Variants in BAIAP2L1 observed in about 807,000 individuals in gnomAD.
BAIAP2L1 encodes BAR/IMD domain-containing adapter protein 2-like 1.
BAIAP2L1 carries 35 observed loss-of-function variants against 66.3 expected under a neutral mutation model. The ratio of observed to expected loss-of-function variants is 0.53; its 90% CI spans 0.40 to 0.70. The LOEUF is 0.70. Ranked by LOEUF, BAIAP2L1 falls within the 30% of genes least tolerant of loss-of-function variation. BAIAP2L1 has a pLI of 0.00. For synonymous variants in BAIAP2L1, 269 were observed against 248.7 expected (o/e 1.08, Z -0.77); for missense variants, 622 against 656.9 (o/e 0.95, Z 0.58).
intron 1 of BAIAP2L1, among the ~76,000 whole-genome samples, chr7:98,393,482 T>G (rs1428895199): frequency 4.6e-5 from 7 of 152,006 alleles, no homozygotes; most frequent in Non-Finnish European, 2.9e-5. Flanking sequence ...TCCTTTTCTT[T>G]TTATGTAACT....
chr7:98,293,006 T>G lies in BAIAP2L1; in HGVS notation c.*515A>C, dbSNP rs1053545450. 21 of 1,088,438 alleles carry G rather than the reference T, an allele frequency of 1.9e-5. No individual in the cohort carries two copies. In the African/African-American group the frequency reaches 2.9e-4, roughly 15 times the overall value. The allele number at this position is 1,088,438 out of a possible 1,614,324, so 67.4% of individuals were successfully genotyped here. On this transcript the variant is annotated 3_prime_UTR_variant, in exon 14 of 14. Coordinates refer to ENST00000005260, the MANE Select transcript of BAIAP2L1 (RefSeq NM_018842.5). ...TCTGGAAGCTCTACACTTAAACATT[T>G]TAAGTTAAATTACATTTATATAGTA...
intron 1 of BAIAP2L1, among the ~76,000 whole-genome samples, chr7:98,380,584 T>C (rs770663911): frequency 1.1e-4 from 16 of 151,700 alleles, no homozygotes; most frequent in Non-Finnish European, 1.8e-4. Context: ...ATGGAAATCA[T>C]AGGAATACAA....
chr7:98,347,000 C>T (rs975532586), intron 3 of BAIAP2L1, among the ~76,000 whole-genome samples: 1 of 150,726 alleles, frequency 6.6e-6, no homozygotes, highest in African/African-American at 2.4e-5. Flanking sequence ...AGCAAAACAA[C>T]AACAACAACA....
intron 7 of BAIAP2L1, 53 bp from the exon 8 acceptor site, chr7:98,312,317 G>C: frequency 6.5e-7 from 1 of 1,534,424 alleles, no homozygotes; most frequent in Non-Finnish European, 8.8e-7. Context: ...CTGAAGAGCT[G>C]AGAAAAATGA....
intron 1 of BAIAP2L1, among the ~76,000 whole-genome samples, chr7:98,393,129 ATACACACATATGTGTACATATATATG>A (rs1275229546): frequency 1.3e-5 from 1 of 74,714 alleles, no homozygotes; most frequent in African/African-American, 4.8e-5. Flanking sequence ...ATATGTATAT[ATACACACATATGTGTACATATATATG>A]TACACATATA....
At chr7:98,364,018 C>T (rs901134826) in intron 1 of BAIAP2L1, among the ~76,000 whole-genome samples, 1 of 149,450 alleles carries the variant, frequency 6.7e-6, no homozygotes, top group Non-Finnish European at 1.5e-5. Context: ...TTTGAATATT[C>T]TTTTTTTTTT....
At chr7:98,357,024 T>A (rs368647004) in intron 2 of BAIAP2L1, among the ~76,000 whole-genome samples, 1,625 of 9,628 alleles carry the variant, frequency 0.17, 26 homozygotes, top group Middle Eastern at 0.5. Context: ...AAAAAAAATA[T>A]ATATATATAT....
chr7:98,384,618 C>T (rs2115816376), intron 1 of BAIAP2L1, among the ~76,000 whole-genome samples: 1 of 151,668 alleles, frequency 6.6e-6, no homozygotes, highest in Middle Eastern at 3.4e-3. Context: ...TTTCCAAATG[C>T]TACTTTTATA....
chr7:98,296,129 T>G (rs903184002), intron 12 of BAIAP2L1, among the ~76,000 whole-genome samples: 2 of 152,162 alleles, frequency 1.3e-5, no homozygotes, highest in Non-Finnish European at 2.9e-5. Flanking sequence ...ACTGAGCGAC[T>G]GTCCCTACGG....
intron 1 of BAIAP2L1, among the ~76,000 whole-genome samples, chr7:98,381,303 C>G (rs1802755406): frequency 6.6e-6 from 1 of 152,214 alleles, no homozygotes; most frequent in African/African-American, 2.4e-5. Context: ...GTGAGAATTT[C>G]ATTATGACAT....
At chr7:98,393,715 G>A (rs909517924) in intron 1 of BAIAP2L1, among the ~76,000 whole-genome samples, 3 of 149,428 alleles carry the variant, frequency 2.0e-5, no homozygotes, top group South Asian at 2.1e-4. Flanking sequence ...TTGATCTCCT[G>A]ACTTCGCAAT....
chr7:98,329,162 C>T (rs1254260630), intron 3 of BAIAP2L1, among the ~76,000 whole-genome samples: 2 of 152,110 alleles, frequency 1.3e-5, no homozygotes, highest in Non-Finnish European at 2.9e-5. Flanking sequence ...GCTTAGAGGT[C>T]GTCACTCCCT....
intron 1 of BAIAP2L1, among the ~76,000 whole-genome samples, chr7:98,393,134 C>CATGTGT (rs1562796014): frequency 1.1e-4 from 8 of 71,494 alleles, no homozygotes; most frequent in African/African-American, 4.0e-4. Context: ...TATATATACA[C>CATGTGT]ACATATGTGT....
chr7:98,359,745 GTTTTTTTTTT>G (rs780836343), intron 2 of BAIAP2L1, among the ~76,000 whole-genome samples: 2 of 109,026 alleles, frequency 1.8e-5, no homozygotes, highest in African/African-American at 6.8e-5. Flanking sequence ...GTAGACCTGG[GTTTTTTTTTT>G]TTTTTTTTTT....
intron 1 of BAIAP2L1, among the ~76,000 whole-genome samples, chr7:98,388,301 T>C (rs1179162078): frequency 1.3e-5 from 2 of 152,170 alleles, no homozygotes; most frequent in Non-Finnish European, 2.9e-5. Flanking sequence ...ACACAAAGGA[T>C]GCACTGGTTA....
chr7:98,319,055 G>C (rs188973165), intron 5 of BAIAP2L1, among the ~76,000 whole-genome samples: 28 of 152,056 alleles, frequency 1.8e-4, no homozygotes, highest in Non-Finnish European at 4.0e-4. Context: ...GCAGCTGTCC[G>C]GGTCCTGTGG....
At chr7:98,378,704 C>T (rs1802688893) in intron 1 of BAIAP2L1, among the ~76,000 whole-genome samples, 1 of 152,256 alleles carries the variant, frequency 6.6e-6, no homozygotes, top group East Asian at 1.9e-4. Context: ...GGCATGACCT[C>T]GGCTCACTGC....
At chr7:98,359,248 C>A (rs991685326) in intron 2 of BAIAP2L1, among the ~76,000 whole-genome samples, 2 of 152,004 alleles carry the variant, frequency 1.3e-5, no homozygotes. Context: ...CCAGTGTGGA[C>A]CCCAGGTCCT....
At position 98,349,093 on chromosome 7, in the gene BAIAP2L1, T is replaced by C. The variant is rs145610441; in HGVS notation, c.214+5949A>G. ...CAGTCCATGCTCTGCCTAGCTTGGCTGCAAAACCCCTTGCTGGGGACATGT... is the reference window on the plus strand; with the variant it reads ...CAGTCCATGCTCTGCCTAGCTTGGCCGCAAAACCCCTTGCTGGGGACATGT... On this transcript the variant is annotated intron_variant, in intron 3 of 13. Coordinates refer to ENST00000005260, the MANE Select transcript of BAIAP2L1 (RefSeq NM_018842.5). 1.1e-4 allele frequency among the ~76,000 whole-genome samples: 16 copies of C among 152,366 alleles called. No individual in the cohort carries two copies. In the East Asian group the frequency reaches 3.1e-3, roughly 29 times the overall value.
Sources: gnomAD v4.1 joint callset for allele counts (sites outside exome capture counted in the v4.1 genomes callset) on GRCh38, gnomAD v4.1.1 for gene constraint, MANE v1.5 for transcripts, NCBI Gene and HGNC (gene_info 2026-07-23, HGNC 2026-07-21) for gene names.